Variants in DYM observed in about 807,000 individuals in gnomAD.
DYM encodes dyggve-Melchior-Clausen syndrome protein.
DYM carries 78 observed loss-of-function variants against 93.1 expected under a neutral mutation model. The ratio of observed to expected loss-of-function variants is 0.84; its 90% confidence interval spans 0.70 to 1.01. The LOEUF (loss-of-function observed/expected upper bound fraction) is 1.01. Among genes scored for constraint, DYM ranks in the 50% least tolerant of loss-of-function variants. DYM has a pLI of 0.00. For missense variants in DYM, 789 were observed against 845.0 expected (o/e 0.93, Z 0.82); for synonymous variants, 321 against 319.7 (o/e 1.00, Z -0.04).
intron 2 of DYM, among the ~76,000 whole-genome samples, chr18:49,425,056 G>A (rs1173390203): frequency 6.6e-6 from 1 of 151,994 alleles, no homozygotes; most frequent in Non-Finnish European, 1.5e-5. Flanking sequence ...TAAAGTTCAT[G>A]TAGAATCAAA....
chr18:49,439,071 G>A (rs73959369), intron 1 of DYM, among the ~76,000 whole-genome samples: 205 of 152,190 alleles, frequency 1.3e-3, no homozygotes, highest in African/African-American at 4.7e-3. Flanking sequence ...CCCATCTCCT[G>A]GCTTTTCTAG....
chr18:49,331,997 G>A lies in DYM; in HGVS notation c.630C>T (p.Tyr210=). The change falls in exon 8 of 18, where the codon TAC becomes TAT. Residue 210 remains tyrosine (Y), a synonymous_variant. Transcript: ENST00000675505. The stretch of plus-strand genomic sequence containing the variant: ...ATAAGGTCTTCACAAGTTTGCTGGT[G>A]TATGGAAGACTATACAAAAAGGAAA... ...KYLMRGPCLP[Y]TSKLVKTLLY... The A allele has an allele frequency of 5.6e-6, 9 of 1,613,558 alleles. No homozygotes were observed. Among genetic ancestry groups the A allele is most frequent in the East Asian group, 2.2e-5 (1 of 44,866 alleles).
chr18:49,318,697 T>C (rs1363654262), intron 8 of DYM, among the ~76,000 whole-genome samples: 1 of 151,996 alleles, frequency 6.6e-6, no homozygotes, highest in African/African-American at 2.4e-5. Context: ...ATTTAAGAAA[T>C]TATCTTGAAA....
chr18:49,093,443 GGGAGGAAGAA>G (rs1221144883), intron 17 of DYM: 1 of 152,816 alleles, frequency 6.5e-6, no homozygotes, highest in Non-Finnish European at 1.5e-5. Flanking sequence ...AGAACACCTG[GGGAGGAAGAA>G]GGATGTGGAA....
intron 8 of DYM, among the ~76,000 whole-genome samples, chr18:49,289,727 G>GTT (rs1555678602): frequency 1.2e-5 from 1 of 85,074 alleles, no homozygotes; most frequent in Non-Finnish European, 2.1e-5. Flanking sequence ...ATATATATGT[G>GTT]TATATATATA....
At chr18:49,318,582 G>A (rs954328152) in intron 8 of DYM, among the ~76,000 whole-genome samples, 101 of 151,856 alleles carry the variant, frequency 6.7e-4, no homozygotes, top group Middle Eastern at 3.4e-3. Context: ...AGATGGCGCC[G>A]CTGCACTCCA....
intron 16 of DYM, among the ~76,000 whole-genome samples, chr18:49,108,645 C>T (rs117384908): frequency 4.1e-4 from 62 of 152,298 alleles, no homozygotes; most frequent in Admixed American, 6.5e-4. Flanking sequence ...GTTTGTTTTA[C>T]GGCCCCATAC....
intron 1 of DYM, among the ~76,000 whole-genome samples, chr18:49,444,382 T>C (rs1600319017): frequency 6.6e-6 from 1 of 152,204 alleles, no homozygotes; most frequent in Non-Finnish European, 1.5e-5. Context: ...CCTCAACTAC[T>C]ATTGTTGCTG....
chr18:49,105,887 G>C (rs1389360145), intron 16 of DYM, among the ~76,000 whole-genome samples: 2 of 152,212 alleles, frequency 1.3e-5, no homozygotes, highest in African/African-American at 4.8e-5. Context: ...ATATTCTGCT[G>C]ATTTGGGGTG....
chr18:49,117,301 A>G (rs1568447881), intron 16 of DYM, among the ~76,000 whole-genome samples: 1 of 152,244 alleles, frequency 6.6e-6, no homozygotes, highest in Non-Finnish European at 1.5e-5. Flanking sequence ...AATTAAGCTG[A>G]CAGAAGAGTT....
chr18:49,078,443 A>G (rs1002929869), intron 17 of DYM, among the ~76,000 whole-genome samples: 3 of 152,064 alleles, frequency 2.0e-5, no homozygotes, highest in Non-Finnish European at 4.4e-5. Flanking sequence ...TCACAACCAT[A>G]CAGGGCCATA....
At chr18:49,145,110 T>TAC (rs2084947372) in intron 15 of DYM, among the ~76,000 whole-genome samples, 1 of 50,066 alleles carries the variant, frequency 2.0e-5, no homozygotes, top group Non-Finnish European at 4.8e-5. Flanking sequence ...AAAAAATTCA[T>TAC]ATATATATAT....
At chr18:49,108,260 C>T (rs1470310501) in intron 16 of DYM, among the ~76,000 whole-genome samples, 1 of 152,234 alleles carries the variant, frequency 6.6e-6, no homozygotes, top group African/African-American at 2.4e-5. Flanking sequence ...TGGAAAAGCA[C>T]AGTATTAGGG....
rs1452080656 is a variant in DYM at position 49,440,386 on chromosome 18, G to GCT, written c.-53-9940_-53-9939insAG. Among the ~76,000 whole-genome samples, 77 of 122,928 alleles carry GCT rather than the reference G, an allele frequency of 6.3e-4. 4 individuals are homozygous for GCT. The highest frequency in any genetic ancestry group is 9.9e-4 in the South Asian group (4 of 4,048). 80.6% of individuals were successfully genotyped at this position (122,928 alleles called of 152,430 possible). A position where few individuals can be genotyped will look rare whatever the true frequency, so the allele number is the denominator to read the frequency against. ...ATATATAATATAGCATATTATATAT[G>GCT]ATATATAATATAGCATATTATATAT... is the stretch of plus-strand genomic sequence containing the variant. On this transcript the variant is annotated intron_variant, in intron 1 of 17. Transcript: ENST00000675505.
intron 1 of DYM, among the ~76,000 whole-genome samples, chr18:49,431,204 T>G (rs1253162298): frequency 6.6e-6 from 1 of 152,218 alleles, no homozygotes; most frequent in African/African-American, 2.4e-5. Flanking sequence ...AATTACCAAC[T>G]TCAAGTGAAA....
chr18:49,058,613 C>G (rs953598717), intron 17 of DYM, among the ~76,000 whole-genome samples: 2 of 152,120 alleles, frequency 1.3e-5, no homozygotes, highest in African/African-American at 4.8e-5. Flanking sequence ...CTGCCTGACA[C>G]AAATTTACAT....
chr18:49,170,299 C>T lies in DYM; in HGVS notation c.1626-6512G>A, dbSNP rs772785842. ...CTGGCTCTAGAATCTGTGCTCTTAA[C>T]AAATCTTCTAGGAAACCTACAGGTG... On this transcript the variant is annotated intron_variant, in intron 14 of 17. Transcript: ENST00000675505. Among the ~76,000 whole-genome samples the T allele has an allele frequency of 1.6e-4, 25 of 152,096 alleles. 1 individual carries two copies. Among genetic ancestry groups the T allele is most frequent in the Non-Finnish European group, 2.1e-4 (14 of 68,022 alleles).
chr18:49,301,286 C>T (rs1003836279), intron 8 of DYM, among the ~76,000 whole-genome samples: 3 of 152,000 alleles, frequency 2.0e-5, no homozygotes, highest in Non-Finnish European at 2.9e-5. Context: ...TTTGGGAGGC[C>T]GAGGCTGGCA....
intron 16 of DYM, among the ~76,000 whole-genome samples, chr18:49,104,370 T>C (rs1311509657): frequency 6.6e-6 from 1 of 152,216 alleles, no homozygotes; most frequent in Non-Finnish European, 1.5e-5. Context: ...AGGGACAATT[T>C]GACTTCCTCT....
Sources: allele counts gnomAD v4.1 joint callset (sites outside exome capture counted in the v4.1 genomes callset), GRCh38; gene constraint gnomAD v4.1.1; transcripts MANE v1.5; gene names NCBI Gene and HGNC (gene_info 2026-07-23, HGNC 2026-07-21).